CLIP2: variants seen among roughly 807,000 people sequenced by gnomAD.
CLIP2 encodes CAP-Gly domain-containing linker protein 2.
Under a neutral mutation model 111.7 loss-of-function variants are expected in CLIP2, and 41 were observed. That is an observed-to-expected ratio of 0.37 (90% confidence interval 0.29 to 0.48). The LOEUF (loss-of-function observed/expected upper bound fraction) is 0.48, where lower values mean the gene tolerates loss of function less well. Ranked by LOEUF, CLIP2 falls within the 20% of genes least tolerant of loss-of-function variation. CLIP2 has a pLI of 0.99. For synonymous variants in CLIP2, 660 were observed against 644.2 expected (o/e 1.02, Z -0.37); for missense variants, 1,160 against 1,422.1 (o/e 0.82, Z 2.96).
In CLIP2 at chr7:74,376,096, TAAATAC is replaced by T; in HGVS notation, c.1696_1701del (p.Lys566_Tyr567del). 1 of 1,611,408 alleles carries T rather than the reference TAAATAC, an allele frequency of 6.2e-7. No homozygotes were observed. The highest frequency in any genetic ancestry group is 1.1e-5 in the South Asian group (1 of 90,846). On this transcript the variant is annotated inframe_deletion, in exon 10 of 17. Transcript: ENST00000223398. The surrounding 1 kb of genome is among the most constrained non-coding windows in gnomAD (Gnocchi z 7.1). ...AGAGGGAGAGTGGGGTGCTGCGGGA[TAAATAC>T]GAGAAGGCCCTGAAGGCCTACCAGG...
intron 14 of CLIP2, among the ~76,000 whole-genome samples, chr7:74,400,092 G>A (rs1281417601): frequency 6.7e-6 from 1 of 148,988 alleles, no homozygotes; most frequent in Non-Finnish European, 1.5e-5. Context: ...GGAGCTTGCA[G>A]AGACCCAAGA....
At chr7:74,313,270 ACTCCAGC>A (rs1245223667) in intron 1 of CLIP2, among the ~76,000 whole-genome samples, 4 of 151,608 alleles carry the variant, frequency 2.6e-5, no homozygotes, top group African/African-American at 9.7e-5. Context: ...GTACCACTGC[ACTCCAGC>A]CTCCAGCTGG....
chr7:74,371,351 G>A (rs1318211993), intron 8 of CLIP2, among the ~76,000 whole-genome samples: 8 of 151,826 alleles, frequency 5.3e-5, no homozygotes, highest in East Asian at 1.9e-4. Flanking sequence ...TTGCCTGTGC[G>A]GGCTACCAGT....
chr7:74,292,977 C>T (rs144093796), intron 1 of CLIP2, among the ~76,000 whole-genome samples: 50 of 152,334 alleles, frequency 3.3e-4, no homozygotes, highest in Middle Eastern at 3.4e-3. Context: ...AGGGTCCGCC[C>T]CCAGTTGGCT....
At chr7:74,388,795 C>CAA (rs75865402) in intron 12 of CLIP2, 263 of 157,492 alleles carry the variant, frequency 1.7e-3, no homozygotes, top group East Asian at 2.7e-3. Flanking sequence ...ACTTTGTCTC[C>CAA]AAAAAAAAAA....
At chr7:74,397,381 C>A in intron 14 of CLIP2, 148 bp downstream of exon 14, 1 of 917,254 alleles carries the variant, frequency 1.1e-6, no homozygotes, top group Non-Finnish European at 1.6e-6. Context: ...TCTTCTAGGA[C>A]CACAGGCAGG....
intron 2 of CLIP2, among the ~76,000 whole-genome samples, chr7:74,334,062 C>T (rs1331840647): frequency 6.6e-6 from 1 of 152,134 alleles, no homozygotes; most frequent in African/African-American, 2.4e-5. Flanking sequence ...CTATTTCTGA[C>T]CTAGTCCTTT....
rs1791758809 is a variant in CLIP2, at chr7:74,405,778, T to TCCGTGGG, written c.*1933_*1939dup. The TCCGTGGG allele has an allele frequency of 3.9e-5, 6 of 152,726 alleles. No homozygotes were observed. The South Asian group carries it at 1.2e-3, about 32-fold the overall frequency. The allele number at this position is 152,726 out of a possible 1,614,324, so 9.5% of individuals were successfully genotyped here. ...AGCGGTTTCCTTGGGAGCTTCTGCC[T>TCCGTGGG]CCGTGGGCCTCTCAGCCCGCCCCGT... On this transcript the variant is annotated 3_prime_UTR_variant, in exon 17 of 17. Transcript: ENST00000223398.
chr7:74,335,285 A>AAG (rs1262109998), intron 2 of CLIP2, among the ~76,000 whole-genome samples: 3 of 151,536 alleles, frequency 2.0e-5, no homozygotes, highest in Non-Finnish European at 2.9e-5. Flanking sequence ...AAAAAAAAAA[A>AAG]AAAGTGCCCT....
chr7:74,334,904 C>T (rs1466669117), intron 2 of CLIP2, among the ~76,000 whole-genome samples: 2 of 151,708 alleles, frequency 1.3e-5, no homozygotes, highest in African/African-American at 4.8e-5. Flanking sequence ...ATGAGAATTG[C>T]TTAAACCTGG....
intron 1 of CLIP2, among the ~76,000 whole-genome samples, chr7:74,303,638 G>A (rs1172690498): frequency 3.4e-5 from 5 of 147,384 alleles, no homozygotes; most frequent in African/African-American, 1.0e-4. Flanking sequence ...TAGGTCAGGC[G>A]TGGTGGCTCA....
Position 74,376,627 on chromosome 7 carries a change from C to T in CLIP2, c.2226C>T (p.Tyr742=). The part of the protein sequence containing the change: ...VHELEKLDVE[Y]RGQAQAIEFL... ...AGCTGGAAAAACTGGACGTGGAGTACCGGGGCCAGGCGCAGGCTATCGAGT... is the reference window on the plus strand; with the variant it reads ...AGCTGGAAAAACTGGACGTGGAGTATCGGGGCCAGGCGCAGGCTATCGAGT... The change falls in exon 10 of 17, where the codon TAC becomes TAT. Residue 742 remains tyrosine, a synonymous_variant. Transcript: ENST00000223398. This position sits in a 1 kb window ranked among gnomAD's most constrained non-coding sequence, Gnocchi z 7.1. 1 of 1,613,332 alleles carries T rather than the reference C, an allele frequency of 6.2e-7. No homozygotes were observed. The highest frequency in any genetic ancestry group is 1.7e-5 in the Admixed American group (1 of 59,962).
chr7:74,396,498 T>C (rs1791451864), intron 13 of CLIP2, among the ~76,000 whole-genome samples: 1 of 152,104 alleles, frequency 6.6e-6, no homozygotes, highest in Non-Finnish European at 1.5e-5. Context: ...TAAACAAATA[T>C]ATTGTCTTTT....
intron 3 of CLIP2, among the ~76,000 whole-genome samples, chr7:74,341,332 C>T (rs947118135): frequency 1.3e-5 from 2 of 151,992 alleles, no homozygotes; most frequent in African/African-American, 4.8e-5. Flanking sequence ...GGGCTACAGG[C>T]ACGCACCATC....
intron 1 of CLIP2, among the ~76,000 whole-genome samples, chr7:74,291,770 C>T (rs556376611): frequency 1.3e-5 from 2 of 152,252 alleles, no homozygotes; most frequent in South Asian, 2.1e-4. Context: ...CAGCCTCCTC[C>T]CTGGTCCTGC....
At chr7:74,297,959 C>A (rs1210088021) in intron 1 of CLIP2, among the ~76,000 whole-genome samples, 1 of 151,806 alleles carries the variant, frequency 6.6e-6, no homozygotes, top group Non-Finnish European at 1.5e-5. Flanking sequence ...ATTCACTAAA[C>A]ATGTATTTTT....
chr7:74,388,956 T>TA (rs1791198219), intron 12 of CLIP2, 147 bp from the exon 13 acceptor site: 4 of 972,060 alleles, frequency 4.1e-6, no homozygotes, highest in Non-Finnish European at 4.5e-6. Flanking sequence ...ACCCAATCTC[T>TA]AAAAAAACCG....
chr7:74,335,985 G>A (rs1480313012), intron 2 of CLIP2, among the ~76,000 whole-genome samples: 2 of 128,972 alleles, frequency 1.6e-5, no homozygotes, highest in Non-Finnish European at 3.4e-5. Flanking sequence ...CTCGTGATCC[G>A]CCCGCCTCGG....
At chr7:74,318,818 A>G (rs1328736380) in intron 2 of CLIP2, among the ~76,000 whole-genome samples, 1 of 152,192 alleles carries the variant, frequency 6.6e-6, no homozygotes, top group South Asian at 2.1e-4. Flanking sequence ...AGCCAGCAGG[A>G]TAGGTCACTG....
Sources: allele counts gnomAD v4.1 joint callset (sites outside exome capture counted in the v4.1 genomes callset), GRCh38; gene constraint gnomAD v4.1.1; non-coding constraint Gnocchi (gnomAD v3.1); transcripts MANE v1.5; gene names NCBI Gene and HGNC (gene_info 2026-07-23, HGNC 2026-07-21).